GRIK2: variants seen among roughly 807,000 people sequenced by gnomAD.
GRIK2 encodes glutamate ionotropic receptor kainate type subunit 2, also known as glutamate receptor ionotropic, kainate 2.
A neutral mutation model predicts 100.3 loss-of-function variants in GRIK2; 32 were observed. The ratio of observed to expected loss-of-function variants is 0.32; its 90% confidence interval spans 0.24 to 0.43. GRIK2 has a LOEUF of 0.43. GRIK2 is among the 20% of genes least tolerant of loss of function. The pLI is 1.00. For missense variants in GRIK2, 843 were observed against 1,114.9 expected (o/e 0.76, Z 3.47); for synonymous variants, 417 against 389.4 (o/e 1.07, Z -0.83).
chr6:101,409,108 A>ATGTGTG (rs67806970), intron 2 of GRIK2, among the ~76,000 whole-genome samples: 91 of 138,530 alleles, frequency 6.6e-4, no homozygotes, highest in South Asian at 1.2e-3. Flanking sequence ...AACATTGTGT[A>ATGTGTG]TGTGTGTGTG....
chr6:101,780,224 C>G (rs1779004445), intron 7 of GRIK2, among the ~76,000 whole-genome samples: 1 of 152,256 alleles, frequency 6.6e-6, no homozygotes, highest in South Asian at 2.1e-4. Flanking sequence ...ACCATACTAG[C>G]CTGGTATTCG....
rs559312632 is a variant in GRIK2 at position 101,739,211 on chromosome 6, G to A, written c.951+52858G>A. Among the ~76,000 whole-genome samples the A allele has an allele frequency of 1.8e-4, 28 of 152,216 alleles. 1 individual carries two copies. The highest frequency in any genetic ancestry group is 4.6e-4 in the African/African-American group (19 of 41,544). Reference sequence around the variant, plus strand: ...CATTAATAACTTCAAATGGACTATCGCATGCTATTGATTTTACTCTCTTGT... The same window carrying A: ...CATTAATAACTTCAAATGGACTATCACATGCTATTGATTTTACTCTCTTGT... On this transcript the variant is annotated intron_variant, in intron 7 of 16. Transcript: ENST00000369134.
intron 4 of GRIK2, among the ~76,000 whole-genome samples, chr6:101,653,391 C>A (rs531676694): frequency 3.3e-5 from 5 of 152,062 alleles, no homozygotes; most frequent in Non-Finnish European, 1.5e-5. Flanking sequence ...TCCTCACCCC[C>A]ACCCTGCGCC....
At chr6:101,758,773 G>GA (rs1777298664) in intron 7 of GRIK2, among the ~76,000 whole-genome samples, 1 of 152,142 alleles carries the variant, frequency 6.6e-6, no homozygotes, top group Non-Finnish European at 1.5e-5. Context: ...TAAACTGGGG[G>GA]AATCATTCTT....
chr6:101,494,638 T>C (rs1319711947), intron 2 of GRIK2, among the ~76,000 whole-genome samples: 1 of 151,800 alleles, frequency 6.6e-6, no homozygotes, highest in Non-Finnish European at 1.5e-5. Context: ...CTTCATATTA[T>C]GTAATACCAG....
intron 11 of GRIK2, among the ~76,000 whole-genome samples, chr6:101,873,814 T>A (rs1206595084): frequency 1.3e-5 from 2 of 151,962 alleles, no homozygotes; most frequent in Non-Finnish European, 2.9e-5. Context: ...GGTATCTCAT[T>A]ATGGTTTTGA....
At chr6:101,895,405 A>G (rs188388900) in intron 12 of GRIK2, among the ~76,000 whole-genome samples, 4 of 151,780 alleles carry the variant, frequency 2.6e-5, no homozygotes, top group African/African-American at 9.6e-5. Context: ...TCTTAACTTT[A>G]TATTTTGGCT....
At chr6:101,467,184 T>C (rs1386078311) in intron 2 of GRIK2, among the ~76,000 whole-genome samples, 1 of 152,174 alleles carries the variant, frequency 6.6e-6, no homozygotes, top group Non-Finnish European at 1.5e-5. Flanking sequence ...TTTGTTGAAA[T>C]TGAATAATTT....
intron 16 of GRIK2, among the ~76,000 whole-genome samples, chr6:102,059,649 TATA>T (rs1771647116): frequency 1.3e-5 from 2 of 151,044 alleles, no homozygotes; most frequent in African/African-American, 4.8e-5. Context: ...AATTATAAGA[TATA>T]ATAATTTTAA....
At chr6:101,852,411 C>T (rs1784186606) in intron 10 of GRIK2, among the ~76,000 whole-genome samples, 1 of 152,058 alleles carries the variant, frequency 6.6e-6, no homozygotes, top group Non-Finnish European at 1.5e-5. Context: ...TACCATCATG[C>T]CCGAGCCTCA....
chr6:102,005,893 CTT>C (rs1463857800), intron 14 of GRIK2, among the ~76,000 whole-genome samples: 1 of 152,010 alleles, frequency 6.6e-6, no homozygotes, highest in Non-Finnish European at 1.5e-5. Context: ...AAGCCTCTCT[CTT>C]TGGCCACCTT....
chr6:101,541,376 C>CCCACACACA (rs1554217240), intron 2 of GRIK2, among the ~76,000 whole-genome samples: 141 of 5,600 alleles, frequency 0.025, 2 homozygotes, highest in African/African-American at 0.035. Context: ...GCGCACACAA[C>CCCACACACA]CACACACACA....
chr6:101,845,314 A>G (rs2791827), intron 10 of GRIK2, among the ~76,000 whole-genome samples: 109,721 of 152,004 alleles, frequency 0.72, 42,122 homozygotes, highest in Non-Finnish European at 0.87. Context: ...CCAGCCTTGC[A>G]TTTGTTTTTA....
chr6:101,547,053 G>A (rs796894674), intron 2 of GRIK2, among the ~76,000 whole-genome samples: 32 of 151,372 alleles, frequency 2.1e-4, no homozygotes, highest in African/African-American at 7.0e-4. Context: ...GGATGGTCTC[G>A]ATCTCTTGAC....
At chr6:101,874,235 A>C (rs1785644224) in intron 11 of GRIK2, among the ~76,000 whole-genome samples, 1 of 152,118 alleles carries the variant, frequency 6.6e-6, no homozygotes, top group African/African-American at 2.4e-5. Flanking sequence ...TTTAGGTCTA[A>C]CATTTAAGTC....
intron 13 of GRIK2, among the ~76,000 whole-genome samples, chr6:101,925,456 G>A (rs1329693328): frequency 6.9e-6 from 1 of 145,428 alleles, no homozygotes; most frequent in African/African-American, 2.5e-5. Context: ...TGATGCTATG[G>A]TTTCTTTTAT....
At chr6:101,959,365 G>C (rs1337680581) in intron 14 of GRIK2, among the ~76,000 whole-genome samples, 1 of 151,958 alleles carries the variant, frequency 6.6e-6, no homozygotes, top group Non-Finnish European at 1.5e-5. Context: ...TTTCTAGTTT[G>C]TATGCCTAGT....
chr6:101,413,784 T>C (rs1775986280), intron 2 of GRIK2, among the ~76,000 whole-genome samples: 1 of 152,216 alleles, frequency 6.6e-6, no homozygotes, highest in Non-Finnish European at 1.5e-5. Context: ...AAGATGATTA[T>C]TGTCTAACAT....
At chr6:101,851,982 C>T (rs1426929724) in intron 10 of GRIK2, among the ~76,000 whole-genome samples, 1 of 140,192 alleles carries the variant, frequency 7.1e-6, no homozygotes, top group Non-Finnish European at 1.5e-5. Context: ...AAAATCTTAA[C>T]ACCCTTTCCC....
Sources: allele counts gnomAD v4.1 joint callset (sites outside exome capture counted in the v4.1 genomes callset), GRCh38; gene constraint gnomAD v4.1.1; transcripts MANE v1.5; gene names NCBI Gene and HGNC (gene_info 2026-07-23, HGNC 2026-07-21).